AP1G1: variants seen among roughly 807,000 people sequenced by gnomAD.
AP1G1 encodes adaptor related protein complex 1 subunit gamma 1.
A neutral mutation model predicts 108.3 loss-of-function variants in AP1G1; 7 were observed. The ratio of observed to expected loss-of-function variants is 0.06; its 90% CI spans 0.04 to 0.12. AP1G1 has a LOEUF of 0.12. Among genes scored for constraint, AP1G1 ranks in the 10% least tolerant of loss-of-function variants. The pLI is 1.00. For synonymous variants in AP1G1, 379 were observed against 353.5 expected (o/e 1.07, Z -0.81); for missense variants, 756 against 1,010.7 (o/e 0.75, Z 3.42).
intron 13 of AP1G1, chr16:71,753,544 C>T (rs750444050): frequency 9.6e-5 from 35 of 363,056 alleles, no homozygotes; most frequent in Non-Finnish European, 1.5e-4. Context: ...GCATGGCTTG[C>T]ACCTCATGTC....
chr16:71,801,564 T>A (rs1167409331), intron 1 of AP1G1, among the ~76,000 whole-genome samples: 7 of 152,122 alleles, frequency 4.6e-5, no homozygotes, highest in Admixed American at 6.6e-5. Context: ...AGGGTAAACA[T>A]CCCTAATCCA....
chr16:71,791,622 C>T (rs1392902106), intron 1 of AP1G1, among the ~76,000 whole-genome samples: 1 of 147,886 alleles, frequency 6.8e-6, no homozygotes, highest in East Asian at 2.0e-4. Flanking sequence ...GAGGCTGAGG[C>T]TGCAGTAAGC....
intron 8 of AP1G1, 48 bp from the exon 9 acceptor site, chr16:71,764,496 C>G (rs2031233803): frequency 7.2e-7 from 1 of 1,381,342 alleles, no homozygotes; most frequent in Non-Finnish European, 1.0e-6. Context: ...AAACAATGCT[C>G]CCAAAACATA....
intron 2 of AP1G1, among the ~76,000 whole-genome samples, chr16:71,787,305 C>T (rs1210402290): frequency 1.5e-5 from 2 of 131,056 alleles, no homozygotes; most frequent in East Asian, 2.2e-4. Context: ...GGCAACACAG[C>T]GAGACTCTGT....
intron 6 of AP1G1, among the ~76,000 whole-genome samples, chr16:71,768,276 T>G (rs576685115): frequency 6.8e-6 from 1 of 146,778 alleles, no homozygotes; most frequent in African/African-American, 2.5e-5. Context: ...GGCGGGTGGA[T>G]CACCTGAGGT....
At chr16:71,759,871 A>G (rs2030995893) in intron 10 of AP1G1, among the ~76,000 whole-genome samples, 1 of 152,066 alleles carries the variant, frequency 6.6e-6, no homozygotes, top group Non-Finnish European at 1.5e-5. Context: ...AAGAGCATAT[A>G]ATATGTCTTT....
intron 21 of AP1G1, among the ~76,000 whole-genome samples, chr16:71,735,999 C>T (rs1360075727): frequency 4.7e-5 from 7 of 148,732 alleles, no homozygotes; most frequent in African/African-American, 1.5e-4. Context: ...GGTATGGTGG[C>T]GCATGCCTGT....
intron 1 of AP1G1, among the ~76,000 whole-genome samples, chr16:71,807,395 G>A (rs927614932): frequency 6.6e-6 from 1 of 152,206 alleles, no homozygotes. Flanking sequence ...CCGTGCCACT[G>A]CACTCCAGCC....
chr16:71,792,011 C>T (rs552512687), intron 1 of AP1G1, among the ~76,000 whole-genome samples: 1 of 152,230 alleles, frequency 6.6e-6, no homozygotes, highest in South Asian at 2.1e-4. Context: ...ATCCACCCGC[C>T]TTGGCCTCCC....
At chr16:71,791,934 G>C (rs539354722) in intron 1 of AP1G1, among the ~76,000 whole-genome samples, 1 of 151,806 alleles carries the variant, frequency 6.6e-6, no homozygotes, top group Non-Finnish European at 1.5e-5. Flanking sequence ...GCTAATTTTT[G>C]TATTTTTAGT....
intron 1 of AP1G1, among the ~76,000 whole-genome samples, chr16:71,795,664 G>C (rs2032559858): frequency 6.6e-6 from 1 of 152,172 alleles, no homozygotes; most frequent in South Asian, 2.1e-4. Flanking sequence ...ACTAGAATGT[G>C]ACACTAGAAA....
intron 1 of AP1G1, among the ~76,000 whole-genome samples, chr16:71,795,714 A>T (rs917340456): frequency 2.0e-5 from 3 of 152,246 alleles, no homozygotes; most frequent in African/African-American, 7.2e-5. Flanking sequence ...TGCTTCAATC[A>T]GACTTTTACT....
intron 2 of AP1G1, among the ~76,000 whole-genome samples, chr16:71,775,251 C>T (rs1039493539): frequency 2.0e-5 from 3 of 151,294 alleles, no homozygotes; most frequent in South Asian, 2.1e-4. Context: ...AGGCTGGTCA[C>T]GGACTCCTGA....
At chr16:71,804,495 A>C (rs1597096074) in intron 1 of AP1G1, among the ~76,000 whole-genome samples, 1 of 142,856 alleles carries the variant, frequency 7.0e-6, no homozygotes, top group Non-Finnish European at 1.5e-5. Context: ...TGCAACCTCC[A>C]CCTCCCTGTT....
At chr16:71,739,135 A>G (rs779818813) in intron 20 of AP1G1, 33 bp from the exon 21 acceptor site, 3 of 1,613,240 alleles carry the variant, frequency 1.9e-6, no homozygotes, top group South Asian at 1.1e-5. Flanking sequence ...GTCTTATTGT[A>G]GTCAGCCTAA....
intron 9 of AP1G1, among the ~76,000 whole-genome samples, chr16:71,763,189 T>C (rs1393510468): frequency 1.3e-5 from 2 of 152,176 alleles, no homozygotes; most frequent in East Asian, 1.9e-4. Context: ...GGAGAGACCC[T>C]GTCACTAAAA....
intron 19 of AP1G1, among the ~76,000 whole-genome samples, chr16:71,741,675 A>C (rs1053640434): frequency 2.0e-5 from 3 of 152,240 alleles, no homozygotes; most frequent in Non-Finnish European, 2.9e-5. Flanking sequence ...AAATAAATGC[A>C]AACACCATTT....
At chr16:71,758,117 C>T (rs970452662) in intron 11 of AP1G1, among the ~76,000 whole-genome samples, 1 of 152,162 alleles carries the variant, frequency 6.6e-6, no homozygotes, top group Admixed American at 6.5e-5. Flanking sequence ...AAGGAACTCA[C>T]CATCAATAAA....
intron 2 of AP1G1, among the ~76,000 whole-genome samples, chr16:71,774,799 C>G (rs2031713122): frequency 6.6e-6 from 1 of 152,124 alleles, no homozygotes; most frequent in Middle Eastern, 3.4e-3. Context: ...CGGCTCACTG[C>G]AACCTCTGCC....
Sources: gnomAD v4.1 joint callset for allele counts (sites outside exome capture counted in the v4.1 genomes callset) on GRCh38, gnomAD v4.1.1 for gene constraint, MANE v1.5 for transcripts, NCBI Gene and HGNC (gene_info 2026-07-23, HGNC 2026-07-21) for gene names.